SEC14L6: variants seen among roughly 807,000 people sequenced by gnomAD.
SEC14L6 encodes the protein SEC14 like lipid binding 6.
A neutral mutation model predicts 54.1 loss-of-function variants in SEC14L6; 40 were observed. That is an observed-to-expected ratio of 0.74 (90% CI 0.57 to 0.96). The LOEUF is 0.96. SEC14L6 is among the 40% of genes least tolerant of loss of function. SEC14L6 has a pLI of 0.00. For synonymous variants in SEC14L6, 171 were observed against 198.4 expected, an observed-to-expected ratio of 0.86 and a Z score of 1.16; for missense variants, 471 against 498.3, an observed-to-expected ratio of 0.95 and a Z score of 0.52.
intron 8 of SEC14L6, among the ~76,000 whole-genome samples, chr22:30,528,009 T>G (rs1254435406): frequency 6.6e-6 from 1 of 151,912 alleles, no homozygotes; most frequent in Non-Finnish European, 1.5e-5. Context: ...AAAAAGATAG[T>G]GTTAATTGTA....
chr22:30,542,961 C>A, intron 1 of SEC14L6: 2 of 1,601,332 alleles, frequency 1.2e-6, no homozygotes, highest in Non-Finnish European at 1.7e-6. Context: ...GGAGCCCTGA[C>A]GTGGAGTTGA....
intron 3 of SEC14L6, 108 bp downstream of exon 3, chr22:30,533,888 G>A (rs1937063027): frequency 2.8e-6 from 3 of 1,055,508 alleles, no homozygotes; most frequent in African/African-American, 1.6e-5. Context: ...CAATGAATGG[G>A]TGTTCCATGA....
intron 5 of SEC14L6, 65 bp downstream of exon 5, chr22:30,532,460 G>T: frequency 6.9e-7 from 1 of 1,454,462 alleles, no homozygotes; most frequent in Non-Finnish European, 9.2e-7. Context: ...CAGATTCTGG[G>T]TGTGAGGCTC....
intron 2 of SEC14L6, 61 bp downstream of exon 2, chr22:30,538,766 T>C (rs1263941279): frequency 4.4e-6 from 5 of 1,142,096 alleles, no homozygotes; most frequent in Non-Finnish European, 6.4e-6. Flanking sequence ...ACTCAATAGA[T>C]ACCAAATACA....
chr22:30,542,653 G>T, intron 1 of SEC14L6: 2 of 1,521,702 alleles, frequency 1.3e-6, no homozygotes, highest in South Asian at 2.5e-5. Flanking sequence ...CTGGTCAGGA[G>T]TGGCGGGTGA....
In SEC14L6 at chr22:30,523,853, C is replaced by G. The variant is rs1198988496; in HGVS notation, c.*1144G>C. 1 of 152,196 alleles carries G rather than the reference C, an allele frequency of 6.6e-6. No homozygotes were observed. Among genetic ancestry groups the G allele is most frequent in the Non-Finnish European group, 1.5e-5 (1 of 68,034 alleles). 9.4% of individuals were successfully genotyped at this position (152,196 alleles called of 1,614,324 possible). The stretch of plus-strand genomic sequence containing the variant: ...ACTGCTTGTTAGGGAACTATTTGAA[C>G]CATGTCTTTTATTTTCTGCATGCTT... On this transcript the variant is annotated 3_prime_UTR_variant, in exon 12 of 12. Coordinates refer to ENST00000402034, the MANE Select transcript of SEC14L6 (RefSeq NM_001193336.4).
chr22:30,536,197 GA>G (rs1375097206), intron 2 of SEC14L6, among the ~76,000 whole-genome samples: 1 of 152,102 alleles, frequency 6.6e-6, no homozygotes, highest in East Asian at 1.9e-4. Context: ...ACCAGGCTCA[GA>G]GGCAAGTTGC....
rs1329915189 is a variant in SEC14L6 at position 30,528,958 on chromosome 22, C to T, written c.664+129G>A. ...CACAGCAGCCCACCTGGCAGCCCAC[C>T]AGGCAGTGGGCCCTCAACACCAGTT... On this transcript the variant is annotated intron_variant, in intron 8 of 11. Transcript: ENST00000402034. The T allele has an allele frequency of 3.9e-6, 3 of 768,516 alleles. No individual in the cohort carries two copies. The East Asian group carries it at 8.2e-5, about 21-fold the overall frequency. The allele number at this position is 768,516 out of a possible 1,614,324, so 47.6% of individuals were successfully genotyped here.
chr22:30,542,233 C>A (rs562212137), intron 1 of SEC14L6, among the ~76,000 whole-genome samples: 8 of 152,322 alleles, frequency 5.3e-5, no homozygotes, highest in African/African-American at 1.7e-4. Context: ...GCACCCACCC[C>A]CAAGAGGGGC....
chr22:30,540,607 T>A (rs1374340185), intron 1 of SEC14L6, among the ~76,000 whole-genome samples: 1 of 151,742 alleles, frequency 6.6e-6, no homozygotes, highest in Non-Finnish European at 1.5e-5. Flanking sequence ...TCCCAGCTAC[T>A]TGGGAGGCTG....
chr22:30,536,405 G>A (rs770158607), intron 2 of SEC14L6, among the ~76,000 whole-genome samples: 1 of 152,104 alleles, frequency 6.6e-6, no homozygotes, highest in African/African-American at 2.4e-5. Context: ...CAGGGAAGGA[G>A]TCTTAAGTGT....
chr22:30,539,324 C>A (rs1200492938), intron 1 of SEC14L6, among the ~76,000 whole-genome samples: 1 of 152,122 alleles, frequency 6.6e-6, no homozygotes, highest in Non-Finnish European at 1.5e-5. Context: ...TTGCAGTGAG[C>A]CGAGATCCCA....
At chr22:30,528,057 C>T (rs1319025668) in intron 8 of SEC14L6, among the ~76,000 whole-genome samples, 1 of 150,532 alleles carries the variant, frequency 6.6e-6, no homozygotes, top group Admixed American at 6.6e-5. Flanking sequence ...CTTCCTTATA[C>T]ATTTCTGTAC....
intron 6 of SEC14L6, 39 bp from the exon 7 acceptor site, chr22:30,529,388 A>C: frequency 6.6e-7 from 1 of 1,515,014 alleles, no homozygotes; most frequent in African/African-American, 1.4e-5. Context: ...GCGTCTGAAC[A>C]CTGTCCCCTT....
At chr22:30,537,885 G>C (rs765993043) in intron 2 of SEC14L6, among the ~76,000 whole-genome samples, 14 of 152,094 alleles carry the variant, frequency 9.2e-5, no homozygotes, top group African/African-American at 1.7e-4. Context: ...TTGACTCATC[G>C]GAGCACTTAT....
At chr22:30,541,006 G>A (rs1053080988) in intron 1 of SEC14L6, among the ~76,000 whole-genome samples, 7 of 137,882 alleles carry the variant, frequency 5.1e-5, no homozygotes, top group African/African-American at 1.4e-4. Context: ...GCAACAGGGT[G>A]AGACTACATC....
In SEC14L6 at chr22:30,533,996, C is replaced by A; in HGVS notation, c.174G>T (p.Lys58Asn). ...DLQKSEDMLR[K>N]HMEFRKQQDL... ...AGGCAGGGGGAGGTGTCAACCTCAC[C>A]TTCCTCAGCATGTCCTCTGATTTCT... The change falls in exon 3 of 12, where the codon AAG becomes AAT. Residue 58 changes from lysine to asparagine, a missense_variant and splice_region_variant. By Grantham distance (94) the Lys-to-Asn change is moderately conservative (BLOSUM62 0). Transcript: ENST00000402034. 2 of 1,550,686 alleles carry A rather than the reference C, an allele frequency of 1.3e-6. No homozygotes were observed. The highest frequency in any genetic ancestry group is 1.2e-5 in the South Asian group (1 of 84,050).
Position 30,542,586 on chromosome 22 carries a change from G to A in SEC14L6, c.55-3684C>T, listed in dbSNP as rs570858906. On this transcript the variant is annotated intron_variant, in intron 1 of 11. Coordinates refer to ENST00000402034, the MANE Select transcript of SEC14L6 (RefSeq NM_001193336.4). ...TAGCCGCGGCCCATGGAGCCCGCGG[G>A]CCGGTCCCCGGCCGCCTCGGGCCGC... is the stretch of plus-strand genomic sequence containing the variant. 9.7e-4 allele frequency: 1,441 copies of A among 1,481,848 alleles called. 1 individual carries two copies. Among genetic ancestry groups the A allele is most frequent in the Non-Finnish European group, 1.2e-3 (1,319 of 1,122,692 alleles). The allele number at this position is 1,481,848 out of a possible 1,614,324, so 91.8% of individuals were successfully genotyped here.
chr22:30,529,847 C>T lies in SEC14L6; in HGVS notation c.520-498G>A, dbSNP rs1936911720. Among the ~76,000 whole-genome samples the T allele has an allele frequency of 2.0e-5, 3 of 152,282 alleles. No homozygotes were observed. In the South Asian group the frequency reaches 6.2e-4, roughly 32 times the overall value. On this transcript the variant is annotated intron_variant, in intron 6 of 11. Coordinates refer to ENST00000402034, the MANE Select transcript of SEC14L6 (RefSeq NM_001193336.4). ...AAGGTTCCCTCCCACGTGAGTCAGA[C>T]AATAGTTCAGCTTCAGGAATGAGAG...
Sources: allele counts gnomAD v4.1 joint callset (sites outside exome capture counted in the v4.1 genomes callset), GRCh38; gene constraint gnomAD v4.1.1; transcripts MANE v1.5; gene names NCBI Gene and HGNC (gene_info 2026-07-23, HGNC 2026-07-21).